Variants in ARHGAP26 observed in about 807,000 individuals in gnomAD.
ARHGAP26 encodes Rho GTPase activating protein 26.
In ARHGAP26, 38 loss-of-function variants were observed where a neutral mutation model predicts 104.8. The ratio of observed to expected loss-of-function variants is 0.36; its 90% CI spans 0.28 to 0.48. The LOEUF is 0.48. Ranked by LOEUF, ARHGAP26 falls within the 20% of genes least tolerant of loss-of-function variation. ARHGAP26 has a pLI of 0.99. For missense variants in ARHGAP26, 704 were observed against 947.9 expected, an observed-to-expected ratio of 0.74 and a Z score of 3.38; for synonymous variants, 341 against 340.0, an observed-to-expected ratio of 1.00 and a Z score of -0.03.
At chr5:143,122,211 C>G (rs534389616) in intron 18 of ARHGAP26, among the ~76,000 whole-genome samples, 12 of 152,124 alleles carry the variant, frequency 7.9e-5, no homozygotes, top group Non-Finnish European at 1.8e-4. Context: ...CCCACATAGT[C>G]TCTGTCCTTT....
chr5:142,939,712 C>G (rs1303979192), intron 11 of ARHGAP26, among the ~76,000 whole-genome samples: 1 of 152,232 alleles, frequency 6.6e-6, no homozygotes, highest in South Asian at 2.1e-4. Context: ...AAATCCTACA[C>G]CACTGCTTAT....
chr5:143,178,515 TC>T (rs1276047228), intron 20 of ARHGAP26, among the ~76,000 whole-genome samples: 1 of 152,248 alleles, frequency 6.6e-6, no homozygotes, highest in East Asian at 1.9e-4. Context: ...ATCTGCTGTT[TC>T]TTTTAGGATC....
chr5:142,924,620 C>T (rs37189), intron 10 of ARHGAP26, among the ~76,000 whole-genome samples: 13,433 of 152,288 alleles, frequency 0.088, 924 homozygotes, highest in East Asian at 0.27. Context: ...TGGTTTCTTA[C>T]TTCCTCTGTC....
At chr5:143,031,572 CTT>C (rs753414022) in intron 12 of ARHGAP26, among the ~76,000 whole-genome samples, 6 of 135,324 alleles carry the variant, frequency 4.4e-5, no homozygotes, top group Admixed American at 7.4e-5. Context: ...CTACACACCT[CTT>C]TTTTTTTTTT....
intron 18 of ARHGAP26, among the ~76,000 whole-genome samples, chr5:143,124,782 C>G (rs1796535786): frequency 6.6e-6 from 1 of 152,228 alleles, no homozygotes; most frequent in Non-Finnish European, 1.5e-5. Context: ...GTGGGAGGAG[C>G]AGTGTGTGCA....
chr5:143,010,014 A>G (rs975916442), intron 11 of ARHGAP26, among the ~76,000 whole-genome samples: 8 of 152,212 alleles, frequency 5.3e-5, no homozygotes, highest in Non-Finnish European at 7.3e-5. Flanking sequence ...TAATCATAAG[A>G]CAAAGCTATG....
intron 11 of ARHGAP26, 79 bp downstream of exon 11, chr5:142,932,204 C>G (rs540447328): frequency 7.3e-7 from 1 of 1,360,672 alleles, no homozygotes; most frequent in Non-Finnish European, 1.1e-6. Flanking sequence ...GTGATTTTTG[C>G]TGCTGTTCTA....
chr5:142,884,213 G>A (rs1253481457), intron 4 of ARHGAP26, among the ~76,000 whole-genome samples: 3 of 152,200 alleles, frequency 2.0e-5, no homozygotes, highest in Admixed American at 6.5e-5. Context: ...GTGACAATCT[G>A]TCTCAGCTGT....
At chr5:142,821,300 GTTTTTTTTTTTTTTT>G (rs71576157) in intron 1 of ARHGAP26, among the ~76,000 whole-genome samples, 80 of 106,360 alleles carry the variant, frequency 7.5e-4, no homozygotes, top group African/African-American at 2.8e-3. Flanking sequence ...AGGTAGAGTG[GTTTTTTTTTTTTTTT>G]TTTTTTTTTT....
rs1254884751 is a variant in ARHGAP26 at position 143,226,309 on chromosome 5, G to A, written c.*3863G>A. 1.7e-5 allele frequency: 3 copies of A among 175,264 alleles called. No individual in the cohort carries two copies. Among genetic ancestry groups the A allele is most frequent in the Non-Finnish European group, 3.7e-5 (3 of 81,420 alleles). The allele number at this position is 175,264 out of a possible 1,614,324, so 10.9% of individuals were successfully genotyped here. ...ATCCTGGCTACGACGGTGAAACCCC[G>A]TCTCTACTAAAAATACAAAAAATTA... On this transcript the variant is annotated 3_prime_UTR_variant, in exon 23 of 23. Coordinates refer to ENST00000645722, the MANE Select transcript of ARHGAP26 (RefSeq NM_001135608.3).
intron 17 of ARHGAP26, among the ~76,000 whole-genome samples, chr5:143,079,493 T>C (rs1255223301): frequency 2.6e-5 from 4 of 152,350 alleles, no homozygotes; most frequent in African/African-American, 4.8e-5. Context: ...TTAACGGTGC[T>C]GTGCAGCTGA....
At chr5:143,151,192 G>A (rs185798666) in intron 20 of ARHGAP26, among the ~76,000 whole-genome samples, 2 of 152,160 alleles carry the variant, frequency 1.3e-5, no homozygotes, top group Admixed American at 1.3e-4. Context: ...ATGTCTTCAG[G>A]GAAATACAAA....
At chr5:143,074,887 T>C (rs1007594590) in intron 17 of ARHGAP26, among the ~76,000 whole-genome samples, 6 of 152,190 alleles carry the variant, frequency 3.9e-5, no homozygotes, top group Non-Finnish European at 5.9e-5. Flanking sequence ...ACACCTTCTC[T>C]GTTAGGAGGG....
chr5:143,087,358 T>C (rs1190900372), intron 17 of ARHGAP26, among the ~76,000 whole-genome samples: 2 of 152,206 alleles, frequency 1.3e-5, no homozygotes. Context: ...AGGATGAGTA[T>C]CTAACTGTTG....
chr5:143,013,275 A>G (rs745495586), intron 11 of ARHGAP26, among the ~76,000 whole-genome samples: 1 of 152,204 alleles, frequency 6.6e-6, no homozygotes, highest in African/African-American at 2.4e-5. Flanking sequence ...TTTACTTTCT[A>G]TCTTGTTGTA....
intron 12 of ARHGAP26, among the ~76,000 whole-genome samples, 158 bp from the exon 13 acceptor site, chr5:143,037,035 CTAT>C (rs767447300): frequency 1.3e-5 from 2 of 151,812 alleles, no homozygotes; most frequent in Admixed American, 6.6e-5. Flanking sequence ...TCAATGCCAG[CTAT>C]TATTATTATT....
chr5:143,131,919 TTTTC>T (rs1023403189), intron 18 of ARHGAP26, among the ~76,000 whole-genome samples: 2 of 152,182 alleles, frequency 1.3e-5, no homozygotes, highest in African/African-American at 4.8e-5. Flanking sequence ...GTCCTTGAGC[TTTTC>T]TTTCTATTAT....
intron 11 of ARHGAP26, among the ~76,000 whole-genome samples, chr5:142,963,204 G>GTATATATA (rs1311552972): frequency 2.1e-5 from 2 of 96,166 alleles, no homozygotes; most frequent in Non-Finnish European, 3.7e-5. Context: ...ATATATGTGT[G>GTATATATA]TGTGTGTGTG....
intron 11 of ARHGAP26, among the ~76,000 whole-genome samples, chr5:142,991,457 T>G (rs926881863): frequency 6.6e-6 from 1 of 152,188 alleles, no homozygotes; most frequent in Non-Finnish European, 1.5e-5. Flanking sequence ...CTCCATGGGC[T>G]GCACCCACTG....
Sources: gnomAD v4.1 joint callset for allele counts (sites outside exome capture counted in the v4.1 genomes callset) on GRCh38, gnomAD v4.1.1 for gene constraint, MANE v1.5 for transcripts, NCBI Gene and HGNC (gene_info 2026-07-23, HGNC 2026-07-21) for gene names.